The following HPSE2 variants were observed in gnomAD, a reference collection of about 807,000 sequenced individuals.
The protein encoded by HPSE2 is inactive heparanase-2.
HPSE2 carries 38 observed loss-of-function variants against 60.5 expected under a neutral mutation model. The observed-to-expected ratio is 0.63, with a 90% confidence interval of 0.48 to 0.82. HPSE2 has a LOEUF of 0.82. Ranked by LOEUF, HPSE2 falls within the 40% of genes least tolerant of loss-of-function variation. The pLI is 0.00. For synonymous variants in HPSE2, 295 were observed against 293.2 expected (o/e 1.01, Z -0.06); for missense variants, 713 against 740.4 (o/e 0.96, Z 0.43).
At chr10:99,019,961 C>G (rs1957226069) in intron 3 of HPSE2, among the ~76,000 whole-genome samples, 2 of 152,110 alleles carry the variant, frequency 1.3e-5, no homozygotes, top group Admixed American at 1.3e-4. Flanking sequence ...ATCTGCCCAC[C>G]TCAGCCTCCC....
At chr10:99,252,038 C>CACAT in the HPSE2 span, among the ~76,000 whole-genome samples, 21 of 151,770 alleles carry the variant, frequency 1.4e-4, no homozygotes, top group African/African-American at 2.4e-4. Flanking sequence ...TGTCTTGAAA[C>CACAT]ACATACATAC....
intron 3 of HPSE2, among the ~76,000 whole-genome samples, chr10:98,818,541 C>T (rs1565185857): frequency 6.6e-6 from 1 of 152,126 alleles, no homozygotes; most frequent in African/African-American, 2.4e-5. Context: ...GGACCAGTAC[C>T]CCTCTGTGGC....
intron 11 of HPSE2, among the ~76,000 whole-genome samples, chr10:98,460,951 C>T (rs1352715193): frequency 6.6e-6 from 1 of 152,214 alleles, no homozygotes; most frequent in Non-Finnish European, 1.5e-5. Context: ...AGAAACAGGC[C>T]ACCAGCTGGA....
chr10:99,250,080 T>A, the HPSE2 span, among the ~76,000 whole-genome samples: 1 of 147,360 alleles, frequency 6.8e-6, no homozygotes, highest in Non-Finnish European at 1.5e-5. Context: ...AAGGTGGAGG[T>A]CACAGTGAGC....
rs180913034 is a variant in HPSE2 at position 99,030,177 on chromosome 10, A to G, written c.610+114061T>C. 3.9e-4 allele frequency among the ~76,000 whole-genome samples: 59 copies of G among 152,344 alleles called. No homozygotes were observed. The East Asian group carries it at 0.01, about 27-fold the overall frequency. On this transcript the variant is annotated intron_variant, in intron 3 of 11. Coordinates refer to ENST00000370552, the MANE Select transcript of HPSE2 (RefSeq NM_021828.5). ...AAAGAGTAATTACTACCAACTAATGATTAATGATATTCGCATATAATCGTA... is the reference window on the plus strand; with the variant it reads ...AAAGAGTAATTACTACCAACTAATGGTTAATGATATTCGCATATAATCGTA...
At chr10:99,086,562 T>C (rs11595216) in intron 3 of HPSE2, among the ~76,000 whole-genome samples, 24,539 of 150,938 alleles carry the variant, frequency 0.16, 2,384 homozygotes, top group Admixed American at 0.24. Flanking sequence ...CCGTTTTAGC[T>C]GGGATGGTCT....
At chr10:98,698,668 C>T (rs990763982) in intron 5 of HPSE2, among the ~76,000 whole-genome samples, 1 of 151,828 alleles carries the variant, frequency 6.6e-6, no homozygotes, top group African/African-American at 2.4e-5. Context: ...AATAGAGACA[C>T]AAAAAACCCT....
At chr10:98,714,761 T>C (rs117560446) in intron 5 of HPSE2, among the ~76,000 whole-genome samples, 9 of 152,038 alleles carry the variant, frequency 5.9e-5, no homozygotes, top group Non-Finnish European at 1.0e-4. Flanking sequence ...GCCAGACTGT[T>C]TTCCAAAGCA....
chr10:98,550,399 T>A (rs540142379), intron 9 of HPSE2, among the ~76,000 whole-genome samples: 1 of 152,056 alleles, frequency 6.6e-6, no homozygotes. Flanking sequence ...GTTCAACCAG[T>A]CCTCCTGCTT....
At chr10:98,999,519 A>G (rs1292852769) in intron 3 of HPSE2, among the ~76,000 whole-genome samples, 1 of 152,180 alleles carries the variant, frequency 6.6e-6, no homozygotes, top group Admixed American at 6.5e-5. Flanking sequence ...CTGACTTCAA[A>G]TCTCTTGTTT....
At chr10:98,480,477 A>G (rs1411174444) in intron 11 of HPSE2, among the ~76,000 whole-genome samples, 2 of 152,136 alleles carry the variant, frequency 1.3e-5, no homozygotes, top group Non-Finnish European at 2.9e-5. Flanking sequence ...AGCTAGTGGG[A>G]GTCAGTCCCT....
intron 2 of HPSE2, among the ~76,000 whole-genome samples, chr10:99,160,625 CGCGGTGGCTCACGCCTGTAATCCCA>C (rs1846790431): frequency 6.6e-6 from 1 of 152,106 alleles, no homozygotes. Flanking sequence ...CATGGCCGGG[CGCGGTGGCTCACGCCTGTAATCCCA>C]GCACTTTGGG....
At chr10:99,128,496 C>A (rs558641301) in intron 3 of HPSE2, among the ~76,000 whole-genome samples, 1 of 152,076 alleles carries the variant, frequency 6.6e-6, no homozygotes, top group South Asian at 2.1e-4. Flanking sequence ...GAATACGATG[C>A]AGCCATAAAA....
the HPSE2 span, among the ~76,000 whole-genome samples, chr10:99,252,826 A>G: frequency 6.7e-6 from 1 of 149,884 alleles, no homozygotes. Context: ...GCAGTGAGCC[A>G]AGATAGCACC....
the HPSE2 span, among the ~76,000 whole-genome samples, chr10:99,256,542 C>A: frequency 4.0e-5 from 6 of 150,444 alleles, no homozygotes; most frequent in African/African-American, 1.5e-4. Context: ...GACACTAAGA[C>A]CTGCAATAAC....
intron 3 of HPSE2, among the ~76,000 whole-genome samples, chr10:98,954,367 A>G (rs1955450707): frequency 6.6e-6 from 1 of 152,160 alleles, no homozygotes; most frequent in African/African-American, 2.4e-5. Flanking sequence ...GTAAGCAGGA[A>G]AGTGAGGGGA....
chr10:99,261,276 A>AGC, the HPSE2 span, among the ~76,000 whole-genome samples: 2 of 152,000 alleles, frequency 1.3e-5, no homozygotes, highest in Non-Finnish European at 2.9e-5. Context: ...TGCCAGGCCG[A>AGC]GCCAGGTCCC....
At chr10:98,909,051 G>T (rs983206833) in intron 3 of HPSE2, among the ~76,000 whole-genome samples, 1 of 152,258 alleles carries the variant, frequency 6.6e-6, no homozygotes, top group East Asian at 1.9e-4. Flanking sequence ...CCTCCTGTCA[G>T]TCAGTTATGC....
At chr10:98,983,637 T>C (rs540896991) in intron 3 of HPSE2, among the ~76,000 whole-genome samples, 7 of 152,248 alleles carry the variant, frequency 4.6e-5, no homozygotes, top group African/African-American at 1.4e-4. Context: ...AGGTTGGGGG[T>C]CTTTTGTGGC....
Sources: gnomAD v4.1 joint callset for allele counts (sites outside exome capture counted in the v4.1 genomes callset) on GRCh38, gnomAD v4.1.1 for gene constraint, MANE v1.5 for transcripts, NCBI Gene and HGNC (gene_info 2026-07-23, HGNC 2026-07-21) for gene names.